ZNF804B: variants seen among roughly 807,000 people sequenced by gnomAD.
ZNF804B encodes the protein zinc finger protein 804B.
ZNF804B carries 80 observed loss-of-function variants against 101.4 expected under a neutral mutation model. That is an observed-to-expected ratio of 0.79 (90% CI 0.66 to 0.95). The LOEUF (loss-of-function observed/expected upper bound fraction) is 0.95. Ranked by LOEUF, ZNF804B falls within the 40% of genes least tolerant of loss-of-function variation. The pLI is 0.00. For synonymous variants in ZNF804B, 622 were observed against 558.8 expected, an observed-to-expected ratio of 1.11 and a Z score of -1.59; for missense variants, 1,673 against 1,561.9, an observed-to-expected ratio of 1.07 and a Z score of -1.20.
chr7:88,880,292 AT>A (rs1792012809), intron 1 of ZNF804B, among the ~76,000 whole-genome samples: 1 of 152,226 alleles, frequency 6.6e-6, no homozygotes, highest in Admixed American at 6.5e-5. Context: ...TTTGCTGAGA[AT>A]TTGAAGAATG....
chr7:88,930,932 T>A (rs923914146), intron 1 of ZNF804B, among the ~76,000 whole-genome samples: 6 of 151,884 alleles, frequency 4.0e-5, no homozygotes, highest in Non-Finnish European at 8.8e-5. Flanking sequence ...CTTCCTGTAA[T>A]CAGTAGCTAT....
At position 89,023,688 on chromosome 7, in the gene ZNF804B, G is replaced by A. The variant is rs559723834; in HGVS notation, c.109-194467G>A. Among the ~76,000 whole-genome samples, 22 of 152,212 alleles carry A rather than the reference G, an allele frequency of 1.4e-4. No individual in the cohort carries two copies. In the South Asian group the frequency reaches 2.1e-3, roughly 14 times the overall value. On this transcript the variant is annotated intron_variant, in intron 1 of 3. Transcript: ENST00000333190. ...AACCACAAGGTTCAGCATTTGTATA[G>A]ATTTGCATGAGAAACACAGAAAATC... is the stretch of plus-strand genomic sequence containing the variant.
chr7:89,153,441 A>G (rs532910423), intron 1 of ZNF804B, among the ~76,000 whole-genome samples: 26,126 of 148,616 alleles, frequency 0.18, 2,501 homozygotes, highest in African/African-American at 0.24. Context: ...TAATAATAAT[A>G]ATAATAATAA....
intron 1 of ZNF804B, among the ~76,000 whole-genome samples, chr7:89,077,346 T>C (rs946449844): frequency 6.6e-6 from 1 of 152,070 alleles, no homozygotes; most frequent in Non-Finnish European, 1.5e-5. Flanking sequence ...AGAAAGAAGG[T>C]TGACATTTTT....
intron 1 of ZNF804B, among the ~76,000 whole-genome samples, chr7:88,925,636 A>G (rs1043417465): frequency 3.9e-5 from 6 of 152,134 alleles, no homozygotes; most frequent in Admixed American, 6.6e-5. Context: ...TAAAAAGTCG[A>G]TGATAATAGA....
chr7:89,233,267 C>CTGA (rs1479894951), intron 2 of ZNF804B, among the ~76,000 whole-genome samples: 1 of 152,168 alleles, frequency 6.6e-6, no homozygotes, highest in Non-Finnish European at 1.5e-5. Context: ...TTAACCAAAC[C>CTGA]TGAACCCTTA....
At chr7:88,869,912 G>T (rs866228964) in intron 1 of ZNF804B, among the ~76,000 whole-genome samples, 8 of 152,306 alleles carry the variant, frequency 5.3e-5, no homozygotes, top group Middle Eastern at 6.8e-3. Flanking sequence ...TCAGCCAGAG[G>T]TCAGCTGCAG....
At chr7:89,212,512 G>C (rs1788821172) in intron 1 of ZNF804B, among the ~76,000 whole-genome samples, 1 of 152,058 alleles carries the variant, frequency 6.6e-6, no homozygotes, top group Admixed American at 6.6e-5. Context: ...TAGACTTCAG[G>C]CTTAAATATC....
At chr7:88,992,351 G>A (rs188158259) in intron 1 of ZNF804B, among the ~76,000 whole-genome samples, 70 of 152,106 alleles carry the variant, frequency 4.6e-4, no homozygotes, top group Admixed American at 4.6e-3. Flanking sequence ...AAATTTCCAT[G>A]CAGGTTTAAA....
rs570388728 is a variant in ZNF804B at position 89,024,415 on chromosome 7, C to A, written c.109-193740C>A. ...TTCCTTTTATATGTCATGAAACATG[C>A]AGATGATAATATTTGTTTGGCATAT... On this transcript the variant is annotated intron_variant, in intron 1 of 3. Coordinates refer to ENST00000333190, the MANE Select transcript of ZNF804B (RefSeq NM_181646.5). 2.6e-5 allele frequency among the ~76,000 whole-genome samples: 4 copies of A among 152,064 alleles called. No homozygotes were observed. The South Asian group carries it at 6.2e-4, about 24-fold the overall frequency.
In ZNF804B at chr7:88,852,505, A is replaced by G. The variant is rs573699974; in HGVS notation, c.108+92421A>G. Among the ~76,000 whole-genome samples the G allele has an allele frequency of 3.6e-3, 545 of 152,152 alleles. 2 individuals are homozygous for G. The highest frequency in any genetic ancestry group is 6.5e-3 in the Non-Finnish European group (441 of 67,974). ...AATCCTTGTTACCTGGCCACTCCCA[A>G]TAAGACTCAGATTAAAAATGACTGA... is the stretch of plus-strand genomic sequence containing the variant. On this transcript the variant is annotated intron_variant, in intron 1 of 3. Coordinates refer to ENST00000333190, the MANE Select transcript of ZNF804B (RefSeq NM_181646.5).
chr7:89,091,567 T>C (rs1314529194), intron 1 of ZNF804B, among the ~76,000 whole-genome samples: 3 of 152,172 alleles, frequency 2.0e-5, no homozygotes, highest in Non-Finnish European at 2.9e-5. Context: ...ATGGTGGTCT[T>C]GGTCATAATC....
rs1371571671 is a variant in ZNF804B, at chr7:88,877,008, ATAT to A, written c.108+116925_108+116927del. Among the ~76,000 whole-genome samples the A allele has an allele frequency of 5.0e-3, 356 of 70,950 alleles. 16 individuals carry two copies. Among genetic ancestry groups the A allele is most frequent in the African/African-American group, 0.031 (269 of 8,806 alleles). 46.5% of individuals were successfully genotyped at this position (70,950 alleles called of 152,430 possible). On this transcript the variant is annotated intron_variant, in intron 1 of 3. Coordinates refer to ENST00000333190, the MANE Select transcript of ZNF804B (RefSeq NM_181646.5). ...ATACAGAGAATATTTGAAAAAAAAA[ATAT>A]ATATATATATATATAATATATATAT...
At chr7:88,924,881 A>T (rs1474044049) in intron 1 of ZNF804B, among the ~76,000 whole-genome samples, 1 of 152,208 alleles carries the variant, frequency 6.6e-6, no homozygotes, top group Non-Finnish European at 1.5e-5. Context: ...GTACACAGTA[A>T]ATACATATTT....
At position 89,048,774 on chromosome 7, in the gene ZNF804B, CT is replaced by C. The variant is rs1180605923; in HGVS notation, c.109-169379del. On this transcript the variant is annotated intron_variant, in intron 1 of 3. Coordinates refer to ENST00000333190, the MANE Select transcript of ZNF804B (RefSeq NM_181646.5). ...GGTTTTAGTACAGGTCTCGTCATTC[CT>C]TAAGTACTGCTCTTAATTATTTCCT... Among the ~76,000 whole-genome samples, 10 of 151,822 alleles carry C rather than the reference CT, an allele frequency of 6.6e-5. 1 individual carries two copies. Among genetic ancestry groups the C allele is most frequent in the Non-Finnish European group, 1.5e-5 (1 of 68,006 alleles).
At chr7:89,136,908 C>A (rs1356173077) in intron 1 of ZNF804B, among the ~76,000 whole-genome samples, 1 of 151,952 alleles carries the variant, frequency 6.6e-6, no homozygotes, top group Non-Finnish European at 1.5e-5. Flanking sequence ...GTGAGTAAGT[C>A]TCATGAGACA....
In ZNF804B at chr7:88,845,301, G is replaced by GCACACACACACACA. The variant is rs372272018; in HGVS notation, c.108+85224_108+85237dup. ...TGCGCACGCGCGCGCGCACGCGCGC[G>GCACACACACACACA]CACACACACACACACACACAATAAC... On this transcript the variant is annotated intron_variant, in intron 1 of 3. Coordinates refer to ENST00000333190, the MANE Select transcript of ZNF804B (RefSeq NM_181646.5). Among the ~76,000 whole-genome samples, 95 of 150,036 alleles carry GCACACACACACACA rather than the reference G, an allele frequency of 6.3e-4. No homozygotes were observed. In the East Asian group the frequency reaches 8.7e-3, roughly 14 times the overall value.
At chr7:88,859,230 G>C (rs138475544) in intron 1 of ZNF804B, among the ~76,000 whole-genome samples, 25 of 151,852 alleles carry the variant, frequency 1.6e-4, no homozygotes, top group African/African-American at 5.5e-4. Flanking sequence ...TTCTGTATGG[G>C]TAATATTTAG....
intron 1 of ZNF804B, among the ~76,000 whole-genome samples, chr7:88,845,301 G>GCGCACA (rs1554339289): frequency 3.6e-4 from 54 of 150,038 alleles, no homozygotes; most frequent in South Asian, 1.1e-3. Flanking sequence ...GCACGCGCGC[G>GCGCACA]CACACACACA....
Sources: gnomAD v4.1 joint callset for allele counts (sites outside exome capture counted in the v4.1 genomes callset) on GRCh38, gnomAD v4.1.1 for gene constraint, MANE v1.5 for transcripts, NCBI Gene and HGNC (gene_info 2026-07-23, HGNC 2026-07-21) for gene names.